HTR1F: variants seen among roughly 807,000 people sequenced by gnomAD.
The protein encoded by HTR1F is 5-hydroxytryptamine receptor 1F.
HTR1F carries 17 observed loss-of-function variants against 24.0 expected under a neutral mutation model. The observed-to-expected ratio is 0.71, with a 90% confidence interval of 0.48 to 1.06. HTR1F has a LOEUF of 1.06. Ranked by LOEUF, HTR1F falls within the 50% of genes least tolerant of loss-of-function variation. The pLI is 0.00. For missense variants in HTR1F, 391 were observed against 427.8 expected (o/e 0.91, Z 0.76); for synonymous variants, 186 against 156.8 (o/e 1.19, Z -1.39).
chr3:87,991,761 C>G lies in HTR1F; in HGVS notation c.1012C>G (p.Leu338Val). ...CAATTTTTTGGCATGGCTTGGGTAT[C>G]TCAATTCCCTTATAAATCCACTGAT... ...MSNFLAWLGY[L>V]NSLINPLIYT... is the part of the protein sequence containing the mutation. The change falls in exon 3 of 3, where the codon CTC (leucine) becomes GTC (valine). Residue 338 changes from leucine (L) to valine (V), a missense_variant. Leu to Val is a conservative substitution (Grantham distance 32). Transcript: ENST00000319595. 6.2e-7 allele frequency: 1 copy of G among 1,613,180 alleles called. No individual in the cohort carries two copies. The highest frequency in any genetic ancestry group is 8.5e-7 in the Non-Finnish European group (1 of 1,179,422).
chr3:87,910,786 T>A (rs1703761723), intron 2 of HTR1F, among the ~76,000 whole-genome samples: 1 of 152,040 alleles, frequency 6.6e-6, no homozygotes, highest in Non-Finnish European at 1.5e-5. Context: ...TGGACTCCAG[T>A]GCAATAAAAA....
intron 2 of HTR1F, among the ~76,000 whole-genome samples, chr3:87,987,723 ATATATGTATTT>A (rs1372852024): frequency 7.5e-5 from 7 of 93,010 alleles, no homozygotes; most frequent in South Asian, 6.0e-4. Context: ...TATGTATTTT[ATATATGTATTT>A]TATATATATA....
intron 2 of HTR1F, among the ~76,000 whole-genome samples, chr3:87,900,004 T>A (rs1207940289): frequency 1.3e-5 from 2 of 152,182 alleles, no homozygotes; most frequent in Non-Finnish European, 2.9e-5. Context: ...AATAATTAAG[T>A]TCATTTTATA....
chr3:87,821,192 TAA>T (rs1159754767), intron 1 of HTR1F, among the ~76,000 whole-genome samples: 3 of 152,178 alleles, frequency 2.0e-5, no homozygotes, highest in African/African-American at 7.2e-5. Context: ...CTAAGATCCA[TAA>T]GTTTTTCTGC....
chr3:87,865,068 T>A (rs921310591), intron 2 of HTR1F, among the ~76,000 whole-genome samples: 1 of 152,142 alleles, frequency 6.6e-6, no homozygotes, highest in Non-Finnish European at 1.5e-5. Context: ...AATATAACTG[T>A]CATCTGCATG....
At chr3:87,915,762 TAAAAGTTTGG>T (rs1703879155) in intron 2 of HTR1F, among the ~76,000 whole-genome samples, 1 of 152,148 alleles carries the variant, frequency 6.6e-6, no homozygotes, top group African/African-American at 2.4e-5. Flanking sequence ...AAGAGAAATC[TAAAAGTTTGG>T]AAAACATATT....
chr3:87,960,985 T>C (rs1705046843), intron 2 of HTR1F, among the ~76,000 whole-genome samples: 1 of 151,358 alleles, frequency 6.6e-6, no homozygotes, highest in Non-Finnish European at 1.5e-5. Flanking sequence ...TCGCAAAAAG[T>C]GTACTTGGTA....
chr3:87,825,851 G>A (rs940708485), intron 2 of HTR1F, among the ~76,000 whole-genome samples: 1 of 152,114 alleles, frequency 6.6e-6, no homozygotes, highest in African/African-American at 2.4e-5. Flanking sequence ...TGTAAGTTGT[G>A]ATACCAGACA....
intron 2 of HTR1F, among the ~76,000 whole-genome samples, chr3:87,907,910 A>G (rs1703701102): frequency 6.6e-6 from 1 of 152,026 alleles, no homozygotes; most frequent in Non-Finnish European, 1.5e-5. Context: ...ATATGTTGGA[A>G]TACAAATTAG....
intron 2 of HTR1F, among the ~76,000 whole-genome samples, chr3:87,829,125 C>T (rs1481350258): frequency 6.6e-6 from 1 of 151,324 alleles, no homozygotes; most frequent in African/African-American, 2.4e-5. Flanking sequence ...ATGGCTGTTG[C>T]TGTGTTGGGT....
At chr3:87,926,798 A>G (rs1041624977) in intron 2 of HTR1F, among the ~76,000 whole-genome samples, 15 of 152,144 alleles carry the variant, frequency 9.9e-5, no homozygotes, top group African/African-American at 3.6e-4. Context: ...TTCACTTAGG[A>G]AGAGTTGCTA....
chr3:87,799,459 T>C lies in HTR1F; in HGVS notation c.-160+6617T>C, dbSNP rs1425767833. On this transcript the variant is annotated intron_variant, in intron 1 of 2. Transcript: ENST00000319595. ...ATTGATACTACTGCCACAAATAAGA[T>C]GAAATGATAAAAAGAATATAGCAAA... 3.3e-5 allele frequency among the ~76,000 whole-genome samples: 5 copies of C among 152,190 alleles called. No individual in the cohort carries two copies. In the East Asian group the frequency reaches 9.6e-4, roughly 29 times the overall value.
intron 2 of HTR1F, among the ~76,000 whole-genome samples, chr3:87,957,473 T>A (rs1407137050): frequency 6.6e-6 from 1 of 151,248 alleles, no homozygotes; most frequent in Non-Finnish European, 1.5e-5. Flanking sequence ...AATCAGAAAA[T>A]CATATGAAAA....
chr3:87,857,662 T>G (rs1203025455), intron 2 of HTR1F, among the ~76,000 whole-genome samples: 9 of 152,102 alleles, frequency 5.9e-5, no homozygotes, highest in Admixed American at 5.9e-4. Context: ...TCCCCACATA[T>G]GCATAGCCTC....
intron 2 of HTR1F, among the ~76,000 whole-genome samples, chr3:87,833,139 G>C (rs1419391236): frequency 1.3e-5 from 2 of 151,536 alleles, no homozygotes; most frequent in Non-Finnish European, 2.9e-5. Flanking sequence ...TTTTCTTCTG[G>C]CCCCAAATCT....
intron 2 of HTR1F, among the ~76,000 whole-genome samples, chr3:87,927,622 A>C (rs1704158779): frequency 6.6e-6 from 1 of 152,206 alleles, no homozygotes. Flanking sequence ...TAAAATGAAT[A>C]TGAACCTTTG....
intron 2 of HTR1F, among the ~76,000 whole-genome samples, chr3:87,946,974 T>C (rs1704726332): frequency 1.3e-5 from 2 of 152,228 alleles, no homozygotes; most frequent in South Asian, 4.1e-4. Context: ...GCAATAGGTC[T>C]GTCCCTAAAT....
At position 87,801,516 on chromosome 3, in the gene HTR1F, C is replaced by T. The variant is rs138427565; in HGVS notation, c.-160+8674C>T. On this transcript the variant is annotated intron_variant, in intron 1 of 2. Coordinates refer to ENST00000319595, the MANE Select transcript of HTR1F (RefSeq NM_001322209.2). ...TTATACATTTTAGGGAGACATGAGA[C>T]GTCAATCAATATATGTAAGAAGTAC... Among the ~76,000 whole-genome samples the T allele has an allele frequency of 7.3e-3, 1,107 of 152,226 alleles. 11 individuals are homozygous for T. The highest frequency in any genetic ancestry group is 0.012 in the Non-Finnish European group (790 of 68,032).
chr3:87,851,211 T>C (rs75472311), intron 2 of HTR1F, among the ~76,000 whole-genome samples: 1,728 of 151,850 alleles, frequency 0.011, 70 homozygotes, highest in African/African-American at 0.039. Flanking sequence ...TTATGCTCTT[T>C]ATTTTGCAAT....
Sources: gnomAD v4.1 joint callset for allele counts (sites outside exome capture counted in the v4.1 genomes callset) on GRCh38, gnomAD v4.1.1 for gene constraint, MANE v1.5 for transcripts, NCBI Gene and HGNC (gene_info 2026-07-23, HGNC 2026-07-21) for gene names.